The following FBLN2 variants were observed in gnomAD, a reference collection of about 807,000 sequenced individuals.
FBLN2 encodes fibulin 2.
In FBLN2, 81 loss-of-function variants were observed where a neutral mutation model predicts 123.7. That is an observed-to-expected ratio of 0.65 (90% CI 0.55 to 0.79). The LOEUF (loss-of-function observed/expected upper bound fraction) is 0.79. Ranked by LOEUF, FBLN2 falls within the 30% of genes least tolerant of loss-of-function variation. FBLN2 has a pLI of 0.00. For missense variants in FBLN2, 1,603 were observed against 1,681.3 expected (o/e 0.95, Z 0.81); for synonymous variants, 699 against 701.4 (o/e 1.00, Z 0.05).
At chr3:13,553,995 G>A (rs1376212943) in intron 1 of FBLN2, among the ~76,000 whole-genome samples, 4 of 152,266 alleles carry the variant, frequency 2.6e-5, no homozygotes, top group Non-Finnish European at 5.9e-5. Context: ...CCAGCTGGGC[G>A]CGTGGGGAGC....
intron 2 of FBLN2, among the ~76,000 whole-genome samples, chr3:13,580,260 T>A (rs1378631387): frequency 6.6e-6 from 1 of 152,150 alleles, no homozygotes; most frequent in African/African-American, 2.4e-5. Flanking sequence ...TAATTTTTTT[T>A]TATATGGACG....
At position 13,570,995 on chromosome 3, in the gene FBLN2, G is replaced by C. The variant is rs772268800; in HGVS notation, c.640G>C (p.Gly214Arg). 2.3e-5 allele frequency: 37 copies of C among 1,606,330 alleles called. No homozygotes were observed. In the East Asian group the frequency reaches 7.2e-4, roughly 31 times the overall value. The change falls in exon 2 of 18, where the codon GGT becomes CGT. Residue 214 changes from glycine (G) to arginine (R), a missense_variant. Gly to Arg is a moderately radical substitution (Grantham distance 125, BLOSUM62 -2). Coordinates refer to ENST00000404922, the MANE Select transcript of FBLN2 (RefSeq NM_001004019.2). ...AEVEAATALG[G>R]EVQAGAVQAG... The stretch of plus-strand genomic sequence containing the variant: ...GGTGGAAGCAGCAACAGCCCTGGGG[G>C]GTGAGGTCCAGGCGGGTGCAGTCCA...
rs112366581 is a variant in FBLN2, at chr3:13,630,766, C to T, written c.3036C>T (p.Cys1012=). 6.2e-7 allele frequency: 1 copy of T among 1,609,680 alleles called. No homozygotes were observed. The highest frequency in any genetic ancestry group is 1.7e-5 in the Admixed American group (1 of 59,654). ...ECANIYGSYQ[C]YCRQGYQLAE... ...CCAACATCTATGGCTCCTACCAGTGCTACTGCCGCCAGGGCTACCAGCTGG... is the reference window on the plus strand; with the variant it reads ...CCAACATCTATGGCTCCTACCAGTGTTACTGCCGCCAGGGCTACCAGCTGG... The change falls in exon 15 of 18, where the codon TGC becomes TGT. Residue 1012 remains cysteine (C), a synonymous_variant. Coordinates refer to ENST00000404922, the MANE Select transcript of FBLN2 (RefSeq NM_001004019.2).
intron 2 of FBLN2, among the ~76,000 whole-genome samples, chr3:13,594,687 GC>G (rs1196212268): frequency 6.6e-6 from 1 of 152,182 alleles, no homozygotes; most frequent in African/African-American, 2.4e-5. Flanking sequence ...CCAGGAAACA[GC>G]TTTTGCCAGG....
chr3:13,636,395 C>A, intron 16 of FBLN2, 50 bp from the exon 17 acceptor site: 1 of 1,601,540 alleles, frequency 6.2e-7, no homozygotes. Flanking sequence ...GAGTTTCAGG[C>A]TGGGTCCCCC....
chr3:13,554,123 T>C (rs1338066169), intron 1 of FBLN2, among the ~76,000 whole-genome samples: 1 of 152,114 alleles, frequency 6.6e-6, no homozygotes, highest in African/African-American at 2.4e-5. Context: ...GGGCCCCCAG[T>C]AGGGTTGGTG....
In FBLN2 at chr3:13,626,467, C is replaced by A. The variant is rs562874825; in HGVS notation, c.2319C>A (p.Asp773Glu). Residue 773 changes from aspartate (D) to glutamate (E), a missense_variant, in exon 10 of 18, where the codon GAC becomes GAA. Asp to Glu is a conservative substitution (Grantham distance 45, BLOSUM62 2). Coordinates refer to ENST00000404922, the MANE Select transcript of FBLN2 (RefSeq NM_001004019.2). ...KCVDINECVTDLHTCSRGEHC... is the reference protein window; with the variant it reads ...KCVDINECVTELHTCSRGEHC... ...CAGACATCAACGAGTGTGTGACGGA[C>A]CTGCACACGTGCAGCCGGGGCGAGC... 6.9e-6 allele frequency: 11 copies of A among 1,584,214 alleles called. No homozygotes were observed. The African/African-American group carries it at 1.2e-4, about 17-fold the overall frequency.
chr3:13,627,425 G>A (rs1172232526), intron 10 of FBLN2, among the ~76,000 whole-genome samples: 1 of 152,160 alleles, frequency 6.6e-6, no homozygotes, highest in Non-Finnish European at 1.5e-5. Flanking sequence ...TGCAAGTGTG[G>A]GACAGCGGCT....
chr3:13,604,901 T>C (rs531545695), intron 2 of FBLN2, among the ~76,000 whole-genome samples: 3 of 152,352 alleles, frequency 2.0e-5, no homozygotes, highest in African/African-American at 7.2e-5. Context: ...CTTGCTCCGG[T>C]TGGAGTGTGC....
At chr3:13,561,462 A>T (rs906770938) in intron 1 of FBLN2, among the ~76,000 whole-genome samples, 4 of 149,362 alleles carry the variant, frequency 2.7e-5, no homozygotes, top group Non-Finnish European at 5.9e-5. Flanking sequence ...TGTGCTGCTC[A>T]CTTCCCAGCG....
intron 1 of FBLN2, among the ~76,000 whole-genome samples, chr3:13,562,086 G>T (rs895042159): frequency 3.3e-5 from 5 of 152,214 alleles, no homozygotes; most frequent in African/African-American, 1.2e-4. Context: ...TGTGCCAAGA[G>T]CAAGTTTATT....
At chr3:13,561,796 A>G (rs1703616938) in intron 1 of FBLN2, among the ~76,000 whole-genome samples, 1 of 152,160 alleles carries the variant, frequency 6.6e-6, no homozygotes, top group African/African-American at 2.4e-5. Context: ...GCTGGCCGGT[A>G]GCAACTGTTT....
At chr3:13,565,823 C>G (rs182302680) in intron 1 of FBLN2, among the ~76,000 whole-genome samples, 6 of 152,302 alleles carry the variant, frequency 3.9e-5, no homozygotes, top group Non-Finnish European at 4.4e-5. Context: ...GTCTCTGAGT[C>G]GCACACTGGG....
At chr3:13,564,223 G>A (rs895831898) in intron 1 of FBLN2, among the ~76,000 whole-genome samples, 3 of 152,088 alleles carry the variant, frequency 2.0e-5, no homozygotes, top group Admixed American at 6.5e-5. Flanking sequence ...GGGGGCAGCC[G>A]TGTGGGCACA....
At chr3:13,553,172 C>G (rs1703371030) in intron 1 of FBLN2, among the ~76,000 whole-genome samples, 1 of 152,124 alleles carries the variant, frequency 6.6e-6, no homozygotes, top group South Asian at 2.1e-4. Flanking sequence ...GCTGGCAAGG[C>G]CAACTAGACC....
At chr3:13,617,659 C>T (rs1705674819) in intron 5 of FBLN2, among the ~76,000 whole-genome samples, 1 of 143,162 alleles carries the variant, frequency 7.0e-6, no homozygotes, top group Non-Finnish European at 1.5e-5. Context: ...ACCCATCTAC[C>T]CACCCATCCA....
chr3:13,598,605 C>T (rs1012538956), intron 2 of FBLN2, among the ~76,000 whole-genome samples: 3 of 152,160 alleles, frequency 2.0e-5, no homozygotes, highest in Admixed American at 6.5e-5. Flanking sequence ...GGAGATCATC[C>T]CACCGACCTC....
At chr3:13,606,509 G>T (rs1166366888) in intron 2 of FBLN2, among the ~76,000 whole-genome samples, 3 of 152,218 alleles carry the variant, frequency 2.0e-5, no homozygotes, top group Non-Finnish European at 2.9e-5. Context: ...GGAGTGAGGG[G>T]TGCTGACCCG....
At chr3:13,626,707 T>C in intron 10 of FBLN2, 128 bp downstream of exon 10, 1 of 921,154 alleles carries the variant, frequency 1.1e-6, no homozygotes, top group Non-Finnish European at 1.5e-6. Context: ...CTCCATCCCC[T>C]CCTTTCTAGC....
Sources: allele counts gnomAD v4.1 joint callset (sites outside exome capture counted in the v4.1 genomes callset), GRCh38; gene constraint gnomAD v4.1.1; transcripts MANE v1.5; gene names NCBI Gene and HGNC (gene_info 2026-07-23, HGNC 2026-07-21).